The following CAPN7 variants were observed in gnomAD, a reference collection of about 807,000 sequenced individuals.
CAPN7 encodes calpain-7.
Under a neutral mutation model 115.2 loss-of-function variants are expected in CAPN7, and 72 were observed. The ratio of observed to expected loss-of-function variants is 0.63; its 90% CI spans 0.52 to 0.76. The LOEUF (loss-of-function observed/expected upper bound fraction) is 0.76. Ranked by LOEUF, CAPN7 falls within the 30% of genes least tolerant of loss-of-function variation. The pLI is 0.00. For missense variants in CAPN7, 905 were observed against 971.5 expected (o/e 0.93, Z 0.91); for synonymous variants, 344 against 322.3 (o/e 1.07, Z -0.72).
chr3:15,237,815 AT>A (rs1695083410), intron 12 of CAPN7, among the ~76,000 whole-genome samples: 1 of 151,834 alleles, frequency 6.6e-6, no homozygotes, highest in South Asian at 2.1e-4. Flanking sequence ...ACAATAAATA[AT>A]TTTTTAAAAA....
chr3:15,244,844 C>T (rs1007763488), intron 16 of CAPN7, among the ~76,000 whole-genome samples: 1 of 152,058 alleles, frequency 6.6e-6, no homozygotes, highest in African/African-American at 2.4e-5. Flanking sequence ...GAATATTATA[C>T]AGGCAGTTAT....
At chr3:15,244,183 G>A (rs1695522699) in intron 16 of CAPN7, among the ~76,000 whole-genome samples, 1 of 152,198 alleles carries the variant, frequency 6.6e-6, no homozygotes, top group Admixed American at 6.5e-5. Context: ...TAATCATAGG[G>A]AAGTATGGCA....
intron 2 of CAPN7, among the ~76,000 whole-genome samples, chr3:15,216,702 T>C (rs1445661098): frequency 6.6e-6 from 1 of 152,166 alleles, no homozygotes; most frequent in Non-Finnish European, 1.5e-5. Context: ...TTAATTGCCT[T>C]AAAATAGATT....
At position 15,249,011 on chromosome 3, in the gene CAPN7, AAAAAAAAAAAAAAC is replaced by A. The variant is rs1292105262; in HGVS notation, c.2204+1560_2204+1573del. Reference sequence around the variant, plus strand: ...ACCCTGTCTCATACAACAACCAAAAAAAAAAAAAAAAAACAAAAACAGAATACAAATAAAAACAG... The same window carrying A: ...ACCCTGTCTCATACAACAACCAAAAAAAAAACAGAATACAAATAAAAACAG... On this transcript the variant is annotated intron_variant, in intron 19 of 20. Coordinates refer to ENST00000253693, the MANE Select transcript of CAPN7 (RefSeq NM_014296.3). 4.7e-4 allele frequency among the ~76,000 whole-genome samples: 70 copies of A among 150,056 alleles called. 1 individual carries two copies. In the South Asian group the frequency reaches 7.5e-3, roughly 16 times the overall value.
rs781096135 is a variant in CAPN7 at position 15,246,731 on chromosome 3, G to A, written c.2011-1G>A. The A allele has an allele frequency of 1.3e-6, 2 of 1,588,474 alleles. No homozygotes were observed. Among genetic ancestry groups the A allele is most frequent in the South Asian group, 2.2e-5 (2 of 89,864 alleles). Reference sequence around the variant, plus strand: ...TCAATACAGTCTTTTTTTAAATCTAGGTATATTCAGCATGCAGCTTTACTT... The same window carrying A: ...TCAATACAGTCTTTTTTTAAATCTAAGTATATTCAGCATGCAGCTTTACTT... On this transcript the variant is annotated splice_acceptor_variant, in intron 17 of 20. Coordinates refer to ENST00000253693, the MANE Select transcript of CAPN7 (RefSeq NM_014296.3). LOFTEE classifies it high-confidence loss of function.
At chr3:15,211,946 G>T (rs1217654480) in intron 1 of CAPN7, among the ~76,000 whole-genome samples, 158 bp from the exon 2 acceptor site, 1 of 151,934 alleles carries the variant, frequency 6.6e-6, no homozygotes, top group Non-Finnish European at 1.5e-5. Context: ...AACATTGGAA[G>T]ATTGTATAAC....
chr3:15,249,914 A>G (rs1331780851), intron 19 of CAPN7, among the ~76,000 whole-genome samples: 1 of 151,458 alleles, frequency 6.6e-6, no homozygotes, highest in Non-Finnish European at 1.5e-5. Context: ...ACAGGTGCAC[A>G]CCACCATGCG....
At chr3:15,243,540 G>C (rs1394676958) in intron 16 of CAPN7, among the ~76,000 whole-genome samples, 1 of 152,148 alleles carries the variant, frequency 6.6e-6, no homozygotes, top group Non-Finnish European at 1.5e-5. Context: ...TGGACTCTCA[G>C]ACACCTTGAG....
chr3:15,216,825 G>C (rs1232545571), intron 2 of CAPN7, among the ~76,000 whole-genome samples: 1 of 152,130 alleles, frequency 6.6e-6, no homozygotes, highest in African/African-American at 2.4e-5. Flanking sequence ...GTGGGAGAGA[G>C]AAATTCAGGG....
At chr3:15,226,316 C>T (rs1045381068) in intron 6 of CAPN7, among the ~76,000 whole-genome samples, 4 of 152,044 alleles carry the variant, frequency 2.6e-5, no homozygotes, top group East Asian at 1.9e-4. Context: ...TCAAGTGATC[C>T]GCCCGCCTCA....
At chr3:15,236,034 G>T (rs992368275) in intron 12 of CAPN7, among the ~76,000 whole-genome samples, 31 of 152,144 alleles carry the variant, frequency 2.0e-4, no homozygotes, top group African/African-American at 5.3e-4. Flanking sequence ...AGCTGGGCAT[G>T]GTGCCATATA....
rs980344952 is a variant in CAPN7 at position 15,252,879 on chromosome 3, T to C, written c.*1619T>C. ...TGTACCCAATGTGTATATTTTTCTTTTTAATCTTCCCAATAGCTGAATAAA... is the reference window on the plus strand; with the variant it reads ...TGTACCCAATGTGTATATTTTTCTTCTTAATCTTCCCAATAGCTGAATAAA... On this transcript the variant is annotated 3_prime_UTR_variant, in exon 21 of 21. Transcript: ENST00000253693. 7.3e-6 allele frequency: 1 copy of C among 137,236 alleles called. No homozygotes were observed. Among genetic ancestry groups the C allele is most frequent in the African/African-American group, 3.6e-5 (1 of 27,428 alleles). 8.5% of individuals were successfully genotyped at this position (137,236 alleles called of 1,614,324 possible). A position where few individuals can be genotyped will look rare whatever the true frequency, so the allele number is the denominator to read the frequency against.
chr3:15,219,742 G>T (rs958398442), intron 4 of CAPN7, among the ~76,000 whole-genome samples: 2 of 152,166 alleles, frequency 1.3e-5, no homozygotes, highest in African/African-American at 2.4e-5. Flanking sequence ...TGCACCTCAG[G>T]TTAAGAACTT....
intron 4 of CAPN7, 80 bp downstream of exon 4, chr3:15,218,620 G>A: frequency 1.0e-6 from 1 of 997,976 alleles, no homozygotes; most frequent in East Asian, 2.4e-5. Flanking sequence ...GTGTTGTAAA[G>A]GCTGCAGTAA....
chr3:15,208,668 T>C (rs1358834333), intron 1 of CAPN7, among the ~76,000 whole-genome samples: 2 of 152,176 alleles, frequency 1.3e-5, no homozygotes, highest in East Asian at 3.8e-4. Flanking sequence ...TAAGTAACGA[T>C]GTAGTTCATA....
intron 19 of CAPN7, among the ~76,000 whole-genome samples, chr3:15,248,443 CAA>C (rs1345583840): frequency 6.6e-6 from 1 of 152,044 alleles, no homozygotes; most frequent in Non-Finnish European, 1.5e-5. Flanking sequence ...CAAGAACAGA[CAA>C]AACTGAAATA....
At chr3:15,216,615 G>GCCTA in intron 2 of CAPN7, among the ~76,000 whole-genome samples, 1 of 152,016 alleles carries the variant, frequency 6.6e-6, no homozygotes, top group Admixed American at 6.5e-5. Context: ...CTAGGCTCAG[G>GCCTA]GTAAATAGAA....
rs760349267 is a variant in CAPN7, at chr3:15,251,227, T to C, written c.2409T>C (p.Ser803=). The change falls in exon 21 of 21, where the codon AGT becomes AGC. Residue 803 remains serine, a synonymous_variant. Coordinates refer to ENST00000253693, the MANE Select transcript of CAPN7 (RefSeq NM_014296.3). The part of the protein sequence containing the change: ...QEGPFFLDFN[S]IIPIKITQLQ ...GACCTTTTTTCTTGGACTTTAATAGTATTATCCCCATCAAGATCACACAAC... is the reference window on the plus strand; with the variant it reads ...GACCTTTTTTCTTGGACTTTAATAGCATTATCCCCATCAAGATCACACAAC... 1.9e-6 allele frequency: 3 copies of C among 1,604,850 alleles called. No homozygotes were observed. The highest frequency in any genetic ancestry group is 2.5e-6 in the Non-Finnish European group (3 of 1,177,420).
intron 5 of CAPN7, 82 bp downstream of exon 5, chr3:15,221,063 T>A: frequency 9.3e-7 from 1 of 1,079,602 alleles, no homozygotes; most frequent in Non-Finnish European, 1.4e-6. Flanking sequence ...TTTGCTGAAT[T>A]GTATTCAGAT....
Sources: allele counts gnomAD v4.1 joint callset (sites outside exome capture counted in the v4.1 genomes callset), GRCh38; gene constraint gnomAD v4.1.1; transcripts MANE v1.5; gene names NCBI Gene and HGNC (gene_info 2026-07-23, HGNC 2026-07-21).